Variants in ROS1 observed in about 807,000 individuals in gnomAD.
ROS1 encodes ROS proto-oncogene 1, receptor tyrosine kinase.
ROS1 carries 263 observed loss-of-function variants against 273.5 expected under a neutral mutation model. That is an observed-to-expected ratio of 0.96 (90% CI 0.87 to 1.06). The LOEUF (loss-of-function observed/expected upper bound fraction) is 1.06, where lower values mean the gene tolerates loss of function less well. Ranked by LOEUF, ROS1 falls within the 50% of genes least tolerant of loss-of-function variation. ROS1 has a pLI of 0.00. For synonymous variants in ROS1, 1,008 were observed against 954.1 expected (o/e 1.06, Z -1.04); for missense variants, 2,833 against 2,751.1 (o/e 1.03, Z -0.67).
chr6:117,362,915 G>C, intron 21 of ROS1, 50 bp from the exon 22 acceptor site: 2 of 1,454,742 alleles, frequency 1.4e-6, no homozygotes, highest in Non-Finnish European at 1.8e-6. Context: ...AGAATATAAA[G>C]AATATAAGAC....
chr6:117,305,581 G>A (rs1438174705), intron 42 of ROS1, among the ~76,000 whole-genome samples: 1 of 152,070 alleles, frequency 6.6e-6, no homozygotes, highest in African/African-American at 2.4e-5. Flanking sequence ...GTTCCACCAT[G>A]TAGGGACAAA....
chr6:117,418,484 G>C lies in ROS1; in HGVS notation c.146C>G (p.Thr49Arg), dbSNP rs1347271467. 1 of 1,602,040 alleles carries C rather than the reference G, an allele frequency of 6.2e-7. No individual in the cohort carries two copies. The highest frequency in any genetic ancestry group is 8.5e-7 in the Non-Finnish European group (1 of 1,175,530). The change falls in exon 2 of 44, where the codon ACA becomes AGA. Residue 49 changes from threonine to arginine, a missense_variant. Thr to Arg is a moderately conservative substitution (Grantham distance 71, BLOSUM62 -1). Coordinates refer to ENST00000368507, the MANE Select transcript of ROS1 (RefSeq NM_001378902.1). Reference sequence around the variant, plus strand: ...TACCGGTTCACTCAGATTATGTGGTGTGCCAAGGTCAAGCTGCTGGCCCTG... The same window carrying C: ...TACCGGTTCACTCAGATTATGTGGTCTGCCAAGGTCAAGCTGCTGGCCCTG... ...TNLGQQLDLG[T>R]PHNLSEPCIQ...
intron 1 of ROS1, among the ~76,000 whole-genome samples, chr6:117,421,381 A>T (rs545071065): frequency 6.6e-6 from 1 of 151,978 alleles, no homozygotes; most frequent in African/African-American, 2.4e-5. Context: ...ATTGTACCCA[A>T]CATGTAGTTT....
intron 10 of ROS1, 28 bp downstream of exon 10, chr6:117,394,588 A>G: frequency 6.7e-7 from 1 of 1,499,846 alleles, no homozygotes; most frequent in African/African-American, 1.4e-5. Flanking sequence ...TTTCACACTA[A>G]GGAATCATTT....
At chr6:117,410,240 G>GA (rs1368891944) in intron 4 of ROS1, among the ~76,000 whole-genome samples, 1 of 152,130 alleles carries the variant, frequency 6.6e-6, no homozygotes, top group Non-Finnish European at 1.5e-5. Flanking sequence ...CGTATGGTTT[G>GA]AAAAAACACT....
intron 22 of ROS1, 116 bp from the exon 23 acceptor site, chr6:117,360,521 T>C: frequency 3.2e-6 from 2 of 630,754 alleles, no homozygotes; most frequent in Non-Finnish European, 5.6e-6. Context: ...ACAATATTAA[T>C]AGTTTCAAAT....
intron 7 of ROS1, 32 bp downstream of exon 7, chr6:117,403,107 G>T (rs746903720): frequency 3.7e-6 from 6 of 1,609,224 alleles, no homozygotes; most frequent in East Asian, 2.2e-5. Context: ...TTGGAATAAT[G>T]TCCTTTCATA....
At chr6:117,377,823 G>A (rs1255778026) in intron 18 of ROS1, among the ~76,000 whole-genome samples, 1 of 150,558 alleles carries the variant, frequency 6.6e-6, no homozygotes, top group Non-Finnish European at 1.5e-5. Flanking sequence ...CTTATATACA[G>A]AACAACCCAA....
intron 42 of ROS1, among the ~76,000 whole-genome samples, chr6:117,307,322 G>C (rs1775181408): frequency 6.6e-6 from 1 of 152,168 alleles, no homozygotes; most frequent in Non-Finnish European, 1.5e-5. Context: ...AACCCTTGGG[G>C]AGAGAGTGGC....
At position 117,403,316 on chromosome 6, in the gene ROS1, C is replaced by A. The variant is rs1022280174; in HGVS notation, c.466-39G>T. ...TGATCAATCATCAGCATTATAGAAT[C>A]AGCACCCCACATTGGGACTAAAAAG... On this transcript the variant is annotated intron_variant, in intron 6 of 43. Coordinates refer to ENST00000368507, the MANE Select transcript of ROS1 (RefSeq NM_001378902.1). The A allele has an allele frequency of 3.1e-6, 5 of 1,592,800 alleles. No individual in the cohort carries two copies. The African/African-American group carries it at 6.8e-5, about 22-fold the overall frequency.
intron 5 of ROS1, among the ~76,000 whole-genome samples, chr6:117,406,242 T>C (rs915625406): frequency 1.3e-5 from 2 of 152,176 alleles, no homozygotes; most frequent in African/African-American, 4.8e-5. Flanking sequence ...TTATTTATTA[T>C]GTTATTAGCT....
Position 117,301,093 on chromosome 6 carries a change from C to A in ROS1, c.6596G>T (p.Arg2199Ile), listed in dbSNP as rs145104466. 8.8e-5 allele frequency: 141 copies of A among 1,601,292 alleles called. No individual in the cohort carries two copies. Among genetic ancestry groups the A allele is most frequent in the Admixed American group, 1.6e-4 (9 of 57,644 alleles). The change falls in exon 43 of 44, where the codon AGA (arginine) becomes ATA (isoleucine). Residue 2199 changes from arginine to isoleucine, a missense_variant. Physicochemically the swap from Arg to Ile is moderately conservative, Grantham distance 97 (BLOSUM62 -3). Coordinates refer to ENST00000368507, the MANE Select transcript of ROS1 (RefSeq NM_001378902.1). Reference protein sequence around the residue: ...TQCWAQEPDQRPTFHRIQDQL... With the variant: ...TQCWAQEPDQIPTFHRIQDQL... ...GTCCTGAATTCTATGAAAAGTAGGT[C>A]TTTGGTCGGGTTCTTGAGCCCAGCA... is the stretch of plus-strand genomic sequence containing the variant.
chr6:117,401,871 A>G (rs551273327), intron 7 of ROS1, among the ~76,000 whole-genome samples: 1 of 152,076 alleles, frequency 6.6e-6, no homozygotes, highest in African/African-American at 2.4e-5. Flanking sequence ...CAGCCAAAGA[A>G]GTTTATAACC....
At chr6:117,338,605 T>C (rs989883969) in intron 31 of ROS1, among the ~76,000 whole-genome samples, 2 of 151,792 alleles carry the variant, frequency 1.3e-5, no homozygotes, top group African/African-American at 2.4e-5. Context: ...AAATTACCTA[T>C]AGTGAATAGT....
At chr6:117,386,407 T>C (rs1019437527) in intron 15 of ROS1, among the ~76,000 whole-genome samples, 5 of 152,254 alleles carry the variant, frequency 3.3e-5, no homozygotes, top group Admixed American at 1.3e-4. Context: ...TATAACACCC[T>C]AGAATGAAGA....
At chr6:117,318,818 C>T (rs975777067) in intron 37 of ROS1, among the ~76,000 whole-genome samples, 24 of 152,028 alleles carry the variant, frequency 1.6e-4, no homozygotes, top group Non-Finnish European at 2.6e-4. Flanking sequence ...CTCCCTGGCC[C>T]GAATGAAGAT....
chr6:117,344,912 C>A (rs935550151), intron 27 of ROS1, among the ~76,000 whole-genome samples: 5 of 152,230 alleles, frequency 3.3e-5, no homozygotes, highest in Admixed American at 6.5e-5. Flanking sequence ...AACCATACCG[C>A]AGGCTTAAGC....
intron 27 of ROS1, 137 bp from the exon 28 acceptor site, chr6:117,344,399 T>C: frequency 3.2e-6 from 2 of 629,650 alleles, no homozygotes; most frequent in South Asian, 2.4e-5. Context: ...AAAACATAAA[T>C]ATGAAAATGA....
At chr6:117,328,214 T>C (rs1264808192) in intron 33 of ROS1, among the ~76,000 whole-genome samples, 2 of 152,200 alleles carry the variant, frequency 1.3e-5, no homozygotes, top group African/African-American at 4.8e-5. Flanking sequence ...TTTGAGACAC[T>C]GAAGTTACAA....
Sources: gnomAD v4.1 joint callset for allele counts (sites outside exome capture counted in the v4.1 genomes callset) on GRCh38, gnomAD v4.1.1 for gene constraint, MANE v1.5 for transcripts, NCBI Gene and HGNC (gene_info 2026-07-23, HGNC 2026-07-21) for gene names.